Variants in AP3S2 observed in about 807,000 individuals in gnomAD.
The protein encoded by AP3S2 is AP-3 complex subunit sigma-2.
A neutral mutation model predicts 23.4 loss-of-function variants in AP3S2; 22 were observed. The observed-to-expected ratio is 0.94, with a 90% CI of 0.67 to 1.34. The LOEUF is 1.34. Ranked by LOEUF, AP3S2 falls within the 40% of genes most tolerant of loss-of-function variation. The pLI, the probability that AP3S2 is intolerant of heterozygous loss-of-function variation, is 0.00. For synonymous variants in AP3S2, 86 were observed against 87.1 expected, an observed-to-expected ratio of 0.99 and a Z score of 0.07; for missense variants, 241 against 236.9, an observed-to-expected ratio of 1.02 and a Z score of -0.11.
intron 3 of AP3S2, among the ~76,000 whole-genome samples, chr15:89,876,283 G>T (rs1327088277): frequency 6.6e-6 from 1 of 152,174 alleles, no homozygotes; most frequent in Non-Finnish European, 1.5e-5. Context: ...GCCAGGCGTG[G>T]TGATGCATGT....
chr15:89,892,576 GA>G (rs1026337523), intron 1 of AP3S2, among the ~76,000 whole-genome samples: 83 of 152,188 alleles, frequency 5.5e-4, no homozygotes, highest in African/African-American at 1.9e-3. Flanking sequence ...AACCCTGTTA[GA>G]AAAAAACTAG....
chr15:89,842,200 G>GA (rs546123908), intron 4 of AP3S2, among the ~76,000 whole-genome samples: 5,027 of 139,690 alleles, frequency 0.036, 134 homozygotes, highest in Non-Finnish European at 0.053. Context: ...GAGAGAAATG[G>GA]AAAAAAAAAA....
intron 4 of AP3S2, among the ~76,000 whole-genome samples, chr15:89,860,218 G>C (rs1048540079): frequency 1.7e-4 from 26 of 152,172 alleles, no homozygotes; most frequent in African/African-American, 6.3e-4. Context: ...CAGTGGATGC[G>C]TTATTTTTTC....
chr15:89,881,805 T>C (rs539800090), intron 3 of AP3S2, among the ~76,000 whole-genome samples: 1 of 152,198 alleles, frequency 6.6e-6, no homozygotes, highest in South Asian at 2.1e-4. Flanking sequence ...AGAGGCATTA[T>C]AAATTAACAT....
chr15:89,890,805 G>A (rs1278767187), intron 1 of AP3S2, among the ~76,000 whole-genome samples: 2 of 152,070 alleles, frequency 1.3e-5, no homozygotes, highest in Non-Finnish European at 2.9e-5. Context: ...GAAACAGAGA[G>A]GGGAAAAAAG....
chr15:89,879,382 A>T (rs902757698), intron 3 of AP3S2, among the ~76,000 whole-genome samples: 3 of 152,246 alleles, frequency 2.0e-5, no homozygotes, highest in South Asian at 2.1e-4. Context: ...ACATATGTGC[A>T]TATAGATGCA....
At chr15:89,877,489 T>A in intron 3 of AP3S2, 2 of 848,950 alleles carry the variant, frequency 2.4e-6, no homozygotes, top group Non-Finnish European at 3.4e-6. Flanking sequence ...TACAATTCAG[T>A]AGCATTCGAT....
chr15:89,839,880 G>A (rs1895286712), intron 4 of AP3S2, among the ~76,000 whole-genome samples: 1 of 151,226 alleles, frequency 6.6e-6, no homozygotes, highest in Non-Finnish European at 1.5e-5. Context: ...TTGAGATGCT[G>A]TAAAAGGGAA....
chr15:89,859,194 C>T (rs942910655), intron 4 of AP3S2, among the ~76,000 whole-genome samples: 3 of 150,650 alleles, frequency 2.0e-5, no homozygotes, highest in African/African-American at 7.3e-5. Flanking sequence ...TTCCTTCCTT[C>T]CCTCTCTCCT....
At chr15:89,855,001 C>T (rs1275150968) in intron 4 of AP3S2, among the ~76,000 whole-genome samples, 3 of 103,562 alleles carry the variant, frequency 2.9e-5, no homozygotes, top group African/African-American at 1.1e-4. Context: ...CCCCTCTGCC[C>T]GGCCACCACC....
chr15:89,880,798 T>C (rs569721442), intron 3 of AP3S2, among the ~76,000 whole-genome samples: 1 of 152,202 alleles, frequency 6.6e-6, no homozygotes. Context: ...CAATTATGTA[T>C]TAAATGTTTA....
intron 4 of AP3S2, among the ~76,000 whole-genome samples, chr15:89,868,292 A>C (rs1896205549): frequency 3.2e-5 from 2 of 62,794 alleles, no homozygotes; most frequent in African/African-American, 1.2e-4. Context: ...CCCTACTGGG[A>C]AGTGAGGAGC....
At chr15:89,858,541 G>GAA (rs1567178830) in intron 4 of AP3S2, among the ~76,000 whole-genome samples, 4 of 145,418 alleles carry the variant, frequency 2.8e-5, no homozygotes, top group Non-Finnish European at 4.5e-5. Context: ...AAGAAAGAAA[G>GAA]AAAGAAAGAA....
chr15:89,888,662 C>T (rs373998380), intron 2 of AP3S2, 30 bp from the exon 3 acceptor site: 35 of 1,599,952 alleles, frequency 2.2e-5, no homozygotes, highest in South Asian at 1.3e-4. Context: ...TTTAAATGCC[C>T]ACAGCTTAAT....
At chr15:89,851,397 G>A (rs1895649934) in intron 4 of AP3S2, among the ~76,000 whole-genome samples, 1 of 151,630 alleles carries the variant, frequency 6.6e-6, no homozygotes, top group African/African-American at 2.4e-5. Flanking sequence ...GGAGTGCAGT[G>A]GTGCGATCTC....
chr15:89,857,125 T>C (rs932525127), intron 4 of AP3S2, among the ~76,000 whole-genome samples: 1 of 152,048 alleles, frequency 6.6e-6, no homozygotes, highest in Non-Finnish European at 1.5e-5. Flanking sequence ...GAAAGCTTCA[T>C]CAAAAGTAAA....
chr15:89,877,801 A>C (rs978547538), intron 3 of AP3S2, among the ~76,000 whole-genome samples: 1 of 152,128 alleles, frequency 6.6e-6, no homozygotes, highest in Non-Finnish European at 1.5e-5. Context: ...TCTCAAAATA[A>C]AAAAAATTAA....
intron 4 of AP3S2, among the ~76,000 whole-genome samples, chr15:89,854,563 G>T (rs1895765159): frequency 1.2e-5 from 1 of 86,032 alleles, no homozygotes; most frequent in African/African-American, 4.3e-5. Flanking sequence ...CCGTCCGGGA[G>T]GGAGGTGGGG....
intron 3 of AP3S2, among the ~76,000 whole-genome samples, chr15:89,884,441 G>C (rs1375418824): frequency 2.0e-5 from 3 of 151,604 alleles, no homozygotes; most frequent in African/African-American, 7.3e-5. Context: ...ACACACAGAA[G>C]AGACAAAATG....
Sources: allele counts gnomAD v4.1 joint callset (sites outside exome capture counted in the v4.1 genomes callset), GRCh38; gene constraint gnomAD v4.1.1; transcripts MANE v1.5; gene names NCBI Gene and HGNC (gene_info 2026-07-23, HGNC 2026-07-21).